Variants in KSR2 observed in about 807,000 individuals in gnomAD.
KSR2 encodes kinase suppressor of ras 2.
Under a neutral mutation model 107.8 loss-of-function variants are expected in KSR2, and 25 were observed. That is an observed-to-expected ratio of 0.23 (90% CI 0.17 to 0.32). KSR2 has a LOEUF of 0.32. Among genes scored for constraint, KSR2 ranks in the 10% least tolerant of loss-of-function variants. The pLI, the probability that KSR2 is intolerant of heterozygous loss-of-function variation, is 1.00. For synonymous variants in KSR2, 480 were observed against 507.0 expected (o/e 0.95, Z 0.71); for missense variants, 887 against 1,268.9 (o/e 0.70, Z 4.57).
chr12:117,941,829 G>A (rs1270935782), intron 1 of KSR2, among the ~76,000 whole-genome samples: 2 of 132,634 alleles, frequency 1.5e-5, no homozygotes, highest in East Asian at 4.4e-4. Flanking sequence ...TTTTAGTAGA[G>A]ACGGAGTTTC....
chr12:117,859,913 A>C (rs1262928206), intron 2 of KSR2, among the ~76,000 whole-genome samples: 1 of 152,276 alleles, frequency 6.6e-6, no homozygotes, highest in Non-Finnish European at 1.5e-5. Flanking sequence ...AATGTTAAAC[A>C]CAATTTAAAA....
chr12:117,807,413 GAATAATA>G (rs1891047786), intron 3 of KSR2, among the ~76,000 whole-genome samples: 2 of 152,154 alleles, frequency 1.3e-5, no homozygotes, highest in African/African-American at 4.8e-5. Context: ...GGGTTCCACC[GAATAATA>G]CTATTCCACA....
In KSR2 at chr12:117,729,077, C is replaced by G. The variant is rs149560936; in HGVS notation, c.986+31934G>C. Among the ~76,000 whole-genome samples, 13 of 152,112 alleles carry G rather than the reference C, an allele frequency of 8.5e-5. No homozygotes were observed. In the South Asian group the frequency reaches 1.7e-3, roughly 19 times the overall value. On this transcript the variant is annotated intron_variant, in intron 4 of 19. Coordinates refer to ENST00000339824, the MANE Select transcript of KSR2 (RefSeq NM_173598.6). ...AATGCTGCTAGGGGGCCAAACTCAG[C>G]GCTGTGCATGAAGGTGTTTTTCAAA...
chr12:117,610,438 T>C (rs1169202837), intron 5 of KSR2, among the ~76,000 whole-genome samples: 3 of 152,062 alleles, frequency 2.0e-5, no homozygotes. Context: ...TATGCAGCCA[T>C]TAAAAATGAT....
Position 117,525,224 on chromosome 12 carries a change from G to T in KSR2, c.1852-5C>A. 1.3e-6 allele frequency: 2 copies of T among 1,582,314 alleles called. No individual in the cohort carries two copies. The highest frequency in any genetic ancestry group is 1.7e-6 in the Non-Finnish European group (2 of 1,160,708). On this transcript the variant is annotated splice_region_variant and splice_polypyrimidine_tract_variant and intron_variant, in intron 13 of 19. Coordinates refer to ENST00000339824, the MANE Select transcript of KSR2 (RefSeq NM_173598.6). The stretch of plus-strand genomic sequence containing the variant: ...CTCATCATGGACCTCTTCATTCTGT[G>T]GCCGGAGTGGGAGAGAGGTCAGAAT...
chr12:117,795,906 TG>T (rs1890608455), intron 3 of KSR2, among the ~76,000 whole-genome samples: 1 of 152,110 alleles, frequency 6.6e-6, no homozygotes, highest in Non-Finnish European at 1.5e-5. Flanking sequence ...CCGCCACATC[TG>T]GCCAAAGCCT....
At chr12:117,692,469 T>C (rs374527936) in intron 4 of KSR2, among the ~76,000 whole-genome samples, 1 of 34,910 alleles carries the variant, frequency 2.9e-5, no homozygotes, top group African/African-American at 1.6e-4. Flanking sequence ...TATATATATA[T>C]ATATATATAT....
chr12:117,951,499 G>A (rs1896363869), intron 1 of KSR2, among the ~76,000 whole-genome samples: 3 of 152,088 alleles, frequency 2.0e-5, no homozygotes, highest in Admixed American at 2.0e-4. Flanking sequence ...TTCGTGGGTG[G>A]GCACACAGAG....
intron 10 of KSR2, among the ~76,000 whole-genome samples, chr12:117,537,420 T>C (rs1182026616): frequency 6.6e-6 from 1 of 152,232 alleles, no homozygotes; most frequent in African/African-American, 2.4e-5. Context: ...TTGTATTTAA[T>C]AATAATCCAA....
intron 10 of KSR2, among the ~76,000 whole-genome samples, chr12:117,538,590 C>T (rs1004048089): frequency 3.3e-5 from 5 of 152,072 alleles, no homozygotes; most frequent in African/African-American, 1.2e-4. Flanking sequence ...AAATCAGGTG[C>T]TAGACCAGAG....
chr12:117,925,201 G>GCAT (rs1369494477), intron 1 of KSR2, among the ~76,000 whole-genome samples: 1 of 150,702 alleles, frequency 6.6e-6, no homozygotes, highest in African/African-American at 2.4e-5. Flanking sequence ...TTGGCTCACT[G>GCAT]CATCCTCCAC....
chr12:117,469,844 A>G (rs1025153871), intron 18 of KSR2, 49 bp from the exon 19 acceptor site: 6 of 1,599,750 alleles, frequency 3.8e-6, no homozygotes, highest in Non-Finnish European at 5.1e-6. Context: ...TGATTTCTTG[A>G]TTACTCTTTG....
intron 1 of KSR2, among the ~76,000 whole-genome samples, chr12:117,902,259 G>A (rs959897136): frequency 6.6e-6 from 1 of 152,166 alleles, no homozygotes; most frequent in African/African-American, 2.4e-5. Flanking sequence ...AGGAGTTTGA[G>A]ACCAGCCTGG....
At chr12:117,600,278 C>A (rs955289925) in intron 5 of KSR2, among the ~76,000 whole-genome samples, 4 of 152,162 alleles carry the variant, frequency 2.6e-5, no homozygotes, top group African/African-American at 9.6e-5. Flanking sequence ...TCCTAACGTG[C>A]AATCTTCCCA....
chr12:117,612,925 A>T (rs1453764168), intron 5 of KSR2, among the ~76,000 whole-genome samples: 1 of 152,162 alleles, frequency 6.6e-6, no homozygotes, highest in Non-Finnish European at 1.5e-5. Flanking sequence ...CCCTGGAAAG[A>T]TGTACCTTGC....
chr12:117,784,416 C>G (rs7138952), intron 3 of KSR2, among the ~76,000 whole-genome samples: 1 of 152,000 alleles, frequency 6.6e-6, no homozygotes, highest in Non-Finnish European at 1.5e-5. Context: ...TCCCCAGCCA[C>G]GTGGAACAGT....
chr12:117,484,238 C>T (rs1413368758), intron 16 of KSR2, among the ~76,000 whole-genome samples, 178 bp downstream of exon 16: 1 of 152,182 alleles, frequency 6.6e-6, no homozygotes, highest in African/African-American at 2.4e-5. Flanking sequence ...TGCTGGCCCC[C>T]CCAGGGGGAA....
chr12:117,850,654 A>G (rs764625547), intron 3 of KSR2, among the ~76,000 whole-genome samples: 1 of 152,076 alleles, frequency 6.6e-6, no homozygotes, highest in Non-Finnish European at 1.5e-5. Context: ...CAAAAAATAC[A>G]GAAAAGTTTG....
intron 5 of KSR2, among the ~76,000 whole-genome samples, chr12:117,586,359 G>C (rs1194766279): frequency 3.9e-5 from 6 of 152,142 alleles, no homozygotes; most frequent in African/African-American, 1.4e-4. Context: ...GGCCAAGGCA[G>C]GTGGATCACC....
Sources: allele counts gnomAD v4.1 joint callset (sites outside exome capture counted in the v4.1 genomes callset), GRCh38; gene constraint gnomAD v4.1.1; transcripts MANE v1.5; gene names NCBI Gene and HGNC (gene_info 2026-07-23, HGNC 2026-07-21).